DNAH12: variants seen among roughly 807,000 people sequenced by gnomAD.
DNAH12 encodes the protein dynein axonemal heavy chain 12.
A neutral mutation model predicts 371.5 loss-of-function variants in DNAH12; 285 were observed. The observed-to-expected ratio is 0.77, with a 90% confidence interval of 0.70 to 0.85. DNAH12 has a LOEUF of 0.85. Ranked by LOEUF, DNAH12 falls within the 40% of genes least tolerant of loss-of-function variation. The pLI is 0.00. For synonymous variants in DNAH12, 1,200 were observed against 1,213.0 expected (o/e 0.99, Z 0.22); for missense variants, 3,611 against 3,689.4 (o/e 0.98, Z 0.55).
At chr3:57,530,394 C>T (rs766003704) in intron 2 of DNAH12, 2 of 553,490 alleles carry the variant, frequency 3.6e-6, no homozygotes, top group Non-Finnish European at 6.6e-6. Flanking sequence ...CTCCAACTCC[C>T]AGGCCTCTAG....
chr3:57,334,530 G>A lies in DNAH12; in HGVS notation c.9913C>T (p.Pro3305Ser). 6.4e-7 allele frequency: 1 copy of A among 1,550,958 alleles called. No individual in the cohort carries two copies. Among genetic ancestry groups the A allele is most frequent in the Non-Finnish European group, 8.7e-7 (1 of 1,146,846 alleles). Residue 3305 changes from proline (P) to serine (S), a missense_variant, in exon 62 of 74, where the codon CCA (proline) becomes TCA (serine). Coordinates refer to ENST00000495027, the MANE Select transcript of DNAH12 (RefSeq NM_001366028.2). Reference sequence around the variant, plus strand: ...AGTTCATTTAGGTTCTTATCCATTGGTGCTGGAAATTTAGCATTATGTGGC... The same window carrying A: ...AGTTCATTTAGGTTCTTATCCATTGATGCTGGAAATTTAGCATTATGTGGC... Reference protein sequence around the residue: ...KEPHNAKFPAPMDKNLNELQK... With the variant: ...KEPHNAKFPASMDKNLNELQK...
intron 17 of DNAH12, among the ~76,000 whole-genome samples, chr3:57,466,323 T>A (rs915742184): frequency 2.6e-5 from 4 of 152,156 alleles, no homozygotes; most frequent in African/African-American, 9.7e-5. Flanking sequence ...ATCACCTGAG[T>A]TATACAGGTG....
At chr3:57,450,343 G>A (rs2065722739) in intron 25 of DNAH12, among the ~76,000 whole-genome samples, 1 of 151,318 alleles carries the variant, frequency 6.6e-6, no homozygotes, top group Non-Finnish European at 1.5e-5. Context: ...GAGGTAGGGA[G>A]TTTGAGACCA....
intron 4 of DNAH12, among the ~76,000 whole-genome samples, chr3:57,512,868 G>A (rs2068048025): frequency 1.3e-5 from 2 of 152,138 alleles, no homozygotes; most frequent in South Asian, 2.1e-4. Flanking sequence ...GCCAGGCATG[G>A]TGGCTCACAC....
intron 32 of DNAH12, among the ~76,000 whole-genome samples, chr3:57,432,736 G>A (rs931235628): frequency 6.0e-5 from 9 of 150,734 alleles, no homozygotes; most frequent in African/African-American, 1.7e-4. Flanking sequence ...TCAGAAGAGT[G>A]ATTATCTCTG....
chr3:57,527,284 C>A (rs780382592), intron 2 of DNAH12, among the ~76,000 whole-genome samples: 2 of 152,020 alleles, frequency 1.3e-5, no homozygotes, highest in Non-Finnish European at 2.9e-5. Flanking sequence ...ATTGCTTGAG[C>A]CCAGGAGTTT....
Position 57,334,503 on chromosome 3 carries a change from G to C in DNAH12, c.9940C>G (p.Gln3314Glu). The change falls in exon 62 of 74, where the codon CAG (glutamine) becomes GAG (glutamate). Residue 3314 changes from glutamine to glutamate, a missense_variant. Physicochemically the swap from Gln to Glu is conservative, Grantham distance 29 (BLOSUM62 2). This residue lies in a region of DNAH12 where 2,266 missense variants were observed against 2,236.9 expected (regional missense o/e 1.01). Transcript: ENST00000495027. ...AAACACCGAAGAATTATTATTTTCT[G>C]TAGTTCATTTAGGTTCTTATCCATT... ...APMDKNLNELQKIIILRCLRP... is the reference protein window; with the variant it reads ...APMDKNLNELEKIIILRCLRP... 1.3e-6 allele frequency: 2 copies of C among 1,550,582 alleles called. No homozygotes were observed. The highest frequency in any genetic ancestry group is 1.7e-6 in the Non-Finnish European group (2 of 1,146,794).
At chr3:57,431,601 T>C (rs1280641030) in intron 32 of DNAH12, among the ~76,000 whole-genome samples, 2 of 152,210 alleles carry the variant, frequency 1.3e-5, no homozygotes, top group Non-Finnish European at 2.9e-5. Context: ...TTTTGTCCTA[T>C]GGTCTAATGC....
At chr3:57,542,934 T>G (rs766438993) in intron 1 of DNAH12, 31 bp from the exon 2 acceptor site, 4 of 1,457,082 alleles carry the variant, frequency 2.7e-6, no homozygotes, top group Non-Finnish European at 3.6e-6. Context: ...AAGCCATTAT[T>G]ATGTCAGCAA....
At chr3:57,334,671 A>C (rs1440709038) in intron 61 of DNAH12, 62 bp from the exon 62 acceptor site, 1 of 1,511,842 alleles carries the variant, frequency 6.6e-7, no homozygotes, top group Non-Finnish European at 8.8e-7. Flanking sequence ...GAGATTGTTG[A>C]ACAAGGAGTA....
intron 38 of DNAH12, among the ~76,000 whole-genome samples, chr3:57,414,596 C>T (rs1432492818): frequency 1.3e-5 from 2 of 152,092 alleles, no homozygotes; most frequent in Admixed American, 1.3e-4. Context: ...TGTGTCCATC[C>T]GTACTCAACA....
intron 69 of DNAH12, among the ~76,000 whole-genome samples, chr3:57,303,868 G>T (rs1311519040): frequency 6.6e-6 from 1 of 152,126 alleles, no homozygotes; most frequent in Non-Finnish European, 1.5e-5. Context: ...CATCCAGATG[G>T]CCTGAAGTAA....
intron 37 of DNAH12, among the ~76,000 whole-genome samples, chr3:57,418,557 A>AAAAAAAC (rs797009937): frequency 1.1e-4 from 17 of 150,232 alleles, no homozygotes; most frequent in African/African-American, 4.0e-4. Context: ...AAAACAAAAA[A>AAAAAAAC]CTGCTATACT....
chr3:57,330,425 A>C (rs1013812694), intron 62 of DNAH12, among the ~76,000 whole-genome samples: 45 of 152,086 alleles, frequency 3.0e-4, no homozygotes, highest in African/African-American at 1.1e-3. Context: ...GACATGGATG[A>C]AGCTGGAAAC....
At chr3:57,402,496 G>A (rs1361932497) in intron 43 of DNAH12, 5 of 1,191,574 alleles carry the variant, frequency 4.2e-6, no homozygotes, top group Non-Finnish European at 5.6e-6. Context: ...TCAGGTTCAT[G>A]GTTAAATCTG....
At chr3:57,373,097 C>T (rs1360401292) in intron 55 of DNAH12, among the ~76,000 whole-genome samples, 1 of 152,096 alleles carries the variant, frequency 6.6e-6, no homozygotes, top group Non-Finnish European at 1.5e-5. Context: ...CACGAGAGTC[C>T]TAACTGTAAA....
intron 29 of DNAH12, among the ~76,000 whole-genome samples, chr3:57,437,535 A>G (rs1011422684): frequency 6.6e-6 from 1 of 152,252 alleles, no homozygotes; most frequent in Non-Finnish European, 1.5e-5. Flanking sequence ...GCACAAAGCA[A>G]CAGCTGTTTT....
At chr3:57,518,451 G>A (rs539487858) in intron 4 of DNAH12, among the ~76,000 whole-genome samples, 5 of 152,152 alleles carry the variant, frequency 3.3e-5, no homozygotes, top group Admixed American at 6.5e-5. Context: ...GCTTGAAGCC[G>A]GGAGGTGGAG....
At chr3:57,436,676 T>C (rs2065135617) in intron 30 of DNAH12, among the ~76,000 whole-genome samples, 1 of 152,216 alleles carries the variant, frequency 6.6e-6, no homozygotes, top group South Asian at 2.1e-4. Flanking sequence ...TTAGAACTTT[T>C]AGGTGCCTCC....
Sources: allele counts gnomAD v4.1 joint callset (sites outside exome capture counted in the v4.1 genomes callset), GRCh38; gene constraint gnomAD v4.1.1; regional missense constraint gnomAD v4.1.1; transcripts MANE v1.5; gene names NCBI Gene and HGNC (gene_info 2026-07-23, HGNC 2026-07-21).